The following ALDH5A1 variants were observed in gnomAD, a reference collection of about 807,000 sequenced individuals.
ALDH5A1 encodes the protein succinate-semialdehyde dehydrogenase, mitochondrial.
ALDH5A1 carries 33 observed loss-of-function variants against 54.7 expected under a neutral mutation model. That is an observed-to-expected ratio of 0.60 (90% CI 0.46 to 0.81). The LOEUF is 0.81. Ranked by LOEUF, ALDH5A1 falls within the 30% of genes least tolerant of loss-of-function variation. The pLI is 0.00. For missense variants in ALDH5A1, 657 were observed against 711.0 expected, an observed-to-expected ratio of 0.92 and a Z score of 0.86; for synonymous variants, 294 against 292.7, an observed-to-expected ratio of 1.00 and a Z score of -0.05.
At chr6:24,523,917 TG>T (rs1432794032) in intron 7 of ALDH5A1, among the ~76,000 whole-genome samples, 7 of 152,106 alleles carry the variant, frequency 4.6e-5, no homozygotes, top group East Asian at 3.9e-4. Context: ...CTTATTCTAC[TG>T]TTTTAAAAAA....
At chr6:24,514,623 G>C (rs535161458) in intron 4 of ALDH5A1, among the ~76,000 whole-genome samples, 33 of 152,092 alleles carry the variant, frequency 2.2e-4, no homozygotes, top group African/African-American at 8.0e-4. Flanking sequence ...CCAGCTACTC[G>C]GAAGGCTTAG....
chr6:24,506,003 C>G (rs574771875), intron 4 of ALDH5A1, among the ~76,000 whole-genome samples: 49 of 151,830 alleles, frequency 3.2e-4, no homozygotes, highest in South Asian at 2.7e-3. Flanking sequence ...TCTGATCCTC[C>G]TGATCCCCTC....
rs760461822 is a variant in ALDH5A1, at chr6:24,504,922, C to G, written c.663C>G (p.Ala221=). The change falls in exon 4 of 10, where the codon GCC becomes GCG. Residue 221 remains alanine (A), a synonymous_variant. Coordinates refer to ENST00000357578, the MANE Select transcript of ALDH5A1 (RefSeq NM_001080.3). ...GGAAGGTGGGGGCCGCCCTGGCAGC[C>G]GGCTGTACTGTCGTGGTGAAGCCTG... ...ITRKVGAALA[A]GCTVVVKPAE... The G allele has an allele frequency of 1.2e-6, 2 of 1,614,098 alleles. No homozygotes were observed.
chr6:24,532,429 T>C (rs1157374134), intron 9 of ALDH5A1, among the ~76,000 whole-genome samples: 1 of 152,220 alleles, frequency 6.6e-6, no homozygotes, highest in African/African-American at 2.4e-5. Context: ...ATTATTCTAC[T>C]TTTCTAGGTG....
chr6:24,495,459 A>C (rs1008304975), intron 1 of ALDH5A1, 109 bp downstream of exon 1: 1 of 1,097,956 alleles, frequency 9.1e-7, no homozygotes, highest in African/African-American at 1.6e-5. Context: ...TCCTGTGCTC[A>C]GTTCCCCAGG....
At chr6:24,523,389 TG>T (rs1195555319) in intron 7 of ALDH5A1, among the ~76,000 whole-genome samples, 1 of 152,178 alleles carries the variant, frequency 6.6e-6, no homozygotes, top group Non-Finnish European at 1.5e-5. Flanking sequence ...AAAGTCATTT[TG>T]GTAAAGTGCC....
At chr6:24,532,290 T>C (rs1759951797) in intron 9 of ALDH5A1, 113 bp downstream of exon 9, 3 of 1,044,812 alleles carry the variant, frequency 2.9e-6, no homozygotes, top group Non-Finnish European at 4.4e-6. Flanking sequence ...CAATGAGGTA[T>C]GTGTTTTGTT....
chr6:24,498,430 G>A (rs1357221248), intron 1 of ALDH5A1, among the ~76,000 whole-genome samples: 1 of 152,160 alleles, frequency 6.6e-6, no homozygotes, highest in Admixed American at 6.5e-5. Context: ...AAGGCCCCAC[G>A]AAGATCAAGG....
At chr6:24,503,141 C>T in intron 2 of ALDH5A1, 122 bp from the exon 3 acceptor site, 1 of 1,242,266 alleles carries the variant, frequency 8.0e-7, no homozygotes, top group Non-Finnish European at 1.1e-6. Flanking sequence ...ATTTTCCCCA[C>T]TCTATGGGTA....
At chr6:24,523,023 G>A in intron 7 of ALDH5A1, 98 bp downstream of exon 7, 1 of 800,050 alleles carries the variant, frequency 1.2e-6, no homozygotes, top group Admixed American at 2.2e-5. Context: ...TGGGGATAGA[G>A]AGGGGTGGGT....
At chr6:24,516,759 C>T (rs999468901) in intron 5 of ALDH5A1, among the ~76,000 whole-genome samples, 1 of 150,968 alleles carries the variant, frequency 6.6e-6, no homozygotes, top group African/African-American at 2.4e-5. Context: ...AACCCTGTCT[C>T]TACAAAAAAA....
chr6:24,500,465 G>A (rs1028732069), intron 1 of ALDH5A1, among the ~76,000 whole-genome samples: 1 of 151,990 alleles, frequency 6.6e-6, no homozygotes, highest in African/African-American at 2.4e-5. Context: ...GAGGTACCTA[G>A]AGTTGTCAGA....
chr6:24,495,471 T>C, intron 1 of ALDH5A1, 121 bp downstream of exon 1: 2 of 980,346 alleles, frequency 2.0e-6, no homozygotes, highest in African/African-American at 3.4e-5. Flanking sequence ...TTCCCCAGGG[T>C]ATACAAAGTG....
At chr6:24,515,120 TTCA>T in intron 4 of ALDH5A1, 44 bp from the exon 5 acceptor site, 2 of 1,530,994 alleles carry the variant, frequency 1.3e-6, no homozygotes, top group Non-Finnish European at 8.8e-7. Flanking sequence ...TTTTTTTTTT[TTCA>T]GTTTGGTAAA....
chr6:24,534,881 G>T lies in ALDH5A1; in HGVS notation c.*1169G>T, dbSNP rs1760014005. On this transcript the variant is annotated 3_prime_UTR_variant, in exon 10 of 10. Transcript: ENST00000357578. ...TCAACCCAAAAGGGAAAGAATTTCT[G>T]TAATTGCCAACCCACTTTGTAGAAG... is the stretch of plus-strand genomic sequence containing the variant. 1 of 152,226 alleles carries T rather than the reference G, an allele frequency of 6.6e-6. No homozygotes were observed. The highest frequency in any genetic ancestry group is 2.1e-4 in the South Asian group (1 of 4,822). The allele number at this position is 152,226 out of a possible 1,614,324, so 9.4% of individuals were successfully genotyped here.
intron 3 of ALDH5A1, 113 bp downstream of exon 3, chr6:24,503,546 TC>T: frequency 2.4e-6 from 3 of 1,239,466 alleles, no homozygotes; most frequent in Non-Finnish European, 3.4e-6. Context: ...TGTCACCTGT[TC>T]CTGGTTTCCT....
At chr6:24,517,240 A>G (rs1224823207) in intron 5 of ALDH5A1, among the ~76,000 whole-genome samples, 2 of 152,178 alleles carry the variant, frequency 1.3e-5, no homozygotes, top group East Asian at 1.9e-4. Flanking sequence ...TCCTGGCCTC[A>G]AGTGATCCTC....
intron 4 of ALDH5A1, among the ~76,000 whole-genome samples, chr6:24,512,763 C>A (rs1009547762): frequency 6.6e-6 from 1 of 152,168 alleles, no homozygotes; most frequent in South Asian, 2.1e-4. Flanking sequence ...AGTCTTGGCT[C>A]ACTGCAATCT....
In ALDH5A1 at chr6:24,495,050, G is replaced by T. The variant is rs1254730579; in HGVS notation, c.54G>T (p.Thr18=). ...GTGGGGCCCGGCGCCTCGGGTCGAC[G>T]TTTCCAGGCTGCCGCCTCCGCCCCC... ...RSCGARRLGS[T]FPGCRLRPRA... is the part of the protein sequence containing the mutation. Residue 18 remains threonine, a synonymous_variant, in exon 1 of 10, where the codon ACG becomes ACT. Transcript: ENST00000357578. 1 of 1,355,168 alleles carries T rather than the reference G, an allele frequency of 7.4e-7. No individual in the cohort carries two copies. The highest frequency in any genetic ancestry group is 2.1e-5 in the South Asian group (1 of 47,150). 83.9% of individuals were successfully genotyped at this position (1,355,168 alleles called of 1,614,324 possible). A position where few individuals can be genotyped will look rare whatever the true frequency, so the allele number is the denominator to read the frequency against.
Sources: allele counts gnomAD v4.1 joint callset (sites outside exome capture counted in the v4.1 genomes callset), GRCh38; gene constraint gnomAD v4.1.1; transcripts MANE v1.5; gene names NCBI Gene and HGNC (gene_info 2026-07-23, HGNC 2026-07-21).